RAD51B: variants seen among roughly 807,000 people sequenced by gnomAD.
RAD51B encodes RAD51 paralog B.
RAD51B carries 38 observed loss-of-function variants against 42.2 expected under a neutral mutation model. That is an observed-to-expected ratio of 0.90 (90% CI 0.70 to 1.18). The LOEUF is 1.18. RAD51B is among the 50% of genes most tolerant of loss of function. RAD51B has a pLI of 0.00. For synonymous variants in RAD51B, 154 were observed against 145.2 expected (o/e 1.06, Z -0.43); for missense variants, 373 against 400.7 (o/e 0.93, Z 0.59).
chr14:68,480,598 G>A (rs1231697054), downstream of RAD51B, among the ~76,000 whole-genome samples: 10 of 151,988 alleles, frequency 6.6e-5, no homozygotes, highest in African/African-American at 1.9e-4. Flanking sequence ...TGTCTGTAGT[G>A]CTTGGTCAAG....
intron 7 of RAD51B, among the ~76,000 whole-genome samples, chr14:67,931,192 A>G (rs2044719516): frequency 6.6e-6 from 1 of 152,116 alleles, no homozygotes; most frequent in Non-Finnish European, 1.5e-5. Flanking sequence ...AAGTGCTGGG[A>G]TTACAGGCGT....
chr14:68,363,384 A>G (rs533748956), intron 8 of RAD51B, among the ~76,000 whole-genome samples: 43 of 152,386 alleles, frequency 2.8e-4, no homozygotes, highest in Non-Finnish European at 5.7e-4. Context: ...ATATGCATAT[A>G]TAAAAGGAAT....
At chr14:68,244,909 A>G (rs535764789) in intron 7 of RAD51B, among the ~76,000 whole-genome samples, 4 of 152,356 alleles carry the variant, frequency 2.6e-5, no homozygotes, top group African/African-American at 9.6e-5. Flanking sequence ...GCAATTAATC[A>G]TACACTTTAT....
intron 7 of RAD51B, among the ~76,000 whole-genome samples, chr14:68,019,126 G>GA (rs1263937467): frequency 0.013 from 1,848 of 144,958 alleles, 16 homozygotes; most frequent in Middle Eastern, 0.021. Context: ...AAACATATAT[G>GA]AAAAAAAAAA....
intron 7 of RAD51B, among the ~76,000 whole-genome samples, chr14:68,250,209 G>A (rs1427403932): frequency 6.6e-6 from 1 of 152,178 alleles, no homozygotes; most frequent in Non-Finnish European, 1.5e-5. Context: ...CCTTCTTCCT[G>A]TCTCCCTACC....
At chr14:68,004,250 G>T (rs560008694) in intron 7 of RAD51B, among the ~76,000 whole-genome samples, 1 of 149,778 alleles carries the variant, frequency 6.7e-6, no homozygotes, top group African/African-American at 2.5e-5. Context: ...GGAGAACGGC[G>T]TGAACCCGGG....
At chr14:68,408,469 C>T (rs1026480298) in intron 8 of RAD51B, among the ~76,000 whole-genome samples, 38 of 152,220 alleles carry the variant, frequency 2.5e-4, no homozygotes, top group African/African-American at 8.7e-4. Context: ...CCAAAGGTTG[C>T]GACAAAGGCG....
intron 7 of RAD51B, among the ~76,000 whole-genome samples, chr14:68,082,595 C>T (rs1194408407): frequency 1.3e-5 from 2 of 152,038 alleles, no homozygotes; most frequent in Non-Finnish European, 2.9e-5. Context: ...TGTTCTATAC[C>T]TTGCTTAATT....
chr14:68,540,093 G>A (rs1887872464), intron 10 of RAD51B: 1 of 713,058 alleles, frequency 1.4e-6, no homozygotes, highest in Admixed American at 6.2e-5. Flanking sequence ...ACAGAGAGAA[G>A]CCACTGGACA....
chr14:68,192,793 A>G (rs2079293396), intron 7 of RAD51B, among the ~76,000 whole-genome samples: 1 of 152,146 alleles, frequency 6.6e-6, no homozygotes, highest in Non-Finnish European at 1.5e-5. Flanking sequence ...AATTCATCTT[A>G]TGAGTTACCC....
chr14:68,509,319 A>C (rs1885559983), intron 10 of RAD51B, among the ~76,000 whole-genome samples: 1 of 152,220 alleles, frequency 6.6e-6, no homozygotes, highest in Non-Finnish European at 1.5e-5. Context: ...AGCTCCCTTC[A>C]TTATGGCCAT....
chr14:68,145,899 A>G (rs1162732789), intron 7 of RAD51B, among the ~76,000 whole-genome samples: 2 of 152,220 alleles, frequency 1.3e-5, no homozygotes, highest in Non-Finnish European at 2.9e-5. Context: ...TAGTCTATGT[A>G]GAATATTATG....
chr14:68,027,200 T>G (rs944851559), intron 7 of RAD51B, among the ~76,000 whole-genome samples: 1 of 152,174 alleles, frequency 6.6e-6, no homozygotes, highest in African/African-American at 2.4e-5. Flanking sequence ...GGTTTCTGCT[T>G]GGAGGTTCCC....
At chr14:68,563,500 A>G (rs1260978173) in intron 10 of RAD51B, 1 of 985,382 alleles carries the variant, frequency 1.0e-6, no homozygotes, top group Non-Finnish European at 1.2e-6. Flanking sequence ...TGAAGAAAAG[A>G]AAACATTCTT....
At chr14:68,421,853 G>C (rs2084708621) in intron 9 of RAD51B, 1 of 1,595,856 alleles carries the variant, frequency 6.3e-7, no homozygotes, top group African/African-American at 1.3e-5. Flanking sequence ...TGGCAGTGCA[G>C]ATGAAAAACT....
At chr14:68,120,753 C>T (rs1398237700) in intron 7 of RAD51B, among the ~76,000 whole-genome samples, 3 of 152,086 alleles carry the variant, frequency 2.0e-5, no homozygotes, top group African/African-American at 7.2e-5. Flanking sequence ...GCTCTGTCTG[C>T]TATCCTCCCA....
At chr14:68,035,536 C>T (rs1289648744) in intron 7 of RAD51B, among the ~76,000 whole-genome samples, 3 of 152,300 alleles carry the variant, frequency 2.0e-5, no homozygotes, top group Non-Finnish European at 4.4e-5. Context: ...GGTTGATTCT[C>T]AGTGCTAGTT....
chr14:68,195,954 CA>C (rs1186301677), intron 7 of RAD51B, among the ~76,000 whole-genome samples: 2 of 147,174 alleles, frequency 1.4e-5, no homozygotes, highest in African/African-American at 2.5e-5. Flanking sequence ...TGCAATGGCT[CA>C]TGCCTGTAAT....
chr14:67,928,580 G>T (rs1292355840), intron 7 of RAD51B, among the ~76,000 whole-genome samples: 1 of 151,950 alleles, frequency 6.6e-6, no homozygotes, highest in African/African-American at 2.4e-5. Context: ...ATGATGTCCT[G>T]AACACGTGTG....
Sources: allele counts gnomAD v4.1 joint callset (sites outside exome capture counted in the v4.1 genomes callset), GRCh38; gene constraint gnomAD v4.1.1; transcripts MANE v1.5; gene names NCBI Gene and HGNC (gene_info 2026-07-23, HGNC 2026-07-21).